The following SLA variants were observed in gnomAD, a reference collection of about 807,000 sequenced individuals.
SLA encodes the protein Src like adaptor, also known as src-like-adapter.
SLA carries 16 observed loss-of-function variants against 30.3 expected under a neutral mutation model. The observed-to-expected ratio is 0.53, with a 90% CI of 0.36 to 0.80. SLA has a LOEUF of 0.80. SLA is among the 30% of genes least tolerant of loss of function. The probability of loss-of-function intolerance (pLI) is 0.01; values close to 1 mark genes in which losing one functional copy is unlikely to be tolerated. For missense variants in SLA, 310 were observed against 345.2 expected (o/e 0.90, Z 0.81); for synonymous variants, 143 against 137.8 (o/e 1.04, Z -0.26).
chr8:133,043,573 A>G (rs1358734103), intron 7 of SLA, among the ~76,000 whole-genome samples: 1 of 152,196 alleles, frequency 6.6e-6, no homozygotes, highest in Non-Finnish European at 1.5e-5. Flanking sequence ...CTAGGAGCCC[A>G]TATTCACCCA....
At chr8:133,045,147 C>T in intron 6 of SLA, 32 bp from the exon 7 acceptor site, 1 of 1,612,608 alleles carries the variant, frequency 6.2e-7, no homozygotes. Context: ...TCAGTGGGCT[C>T]CACCTGTCCT....
At chr8:133,064,981 CAGTT>C (rs1430357117) in intron 2 of SLA, among the ~76,000 whole-genome samples, 3 of 152,302 alleles carry the variant, frequency 2.0e-5, no homozygotes, top group Middle Eastern at 3.4e-3. Flanking sequence ...CCCTTGGTGA[CAGTT>C]AGAATTAATT....
At chr8:133,049,588 C>T in intron 5 of SLA, 1 of 351,546 alleles carries the variant, frequency 2.8e-6, no homozygotes, top group East Asian at 6.0e-5. Context: ...ACACTGACTT[C>T]TAGTCTCTGC....
chr8:133,067,009 C>T (rs1022849774), intron 2 of SLA, among the ~76,000 whole-genome samples: 2 of 152,152 alleles, frequency 1.3e-5, no homozygotes, highest in African/African-American at 2.4e-5. Flanking sequence ...ACCATTTTCC[C>T]GCCGTGACTG....
intron 1 of SLA, among the ~76,000 whole-genome samples, chr8:133,084,597 A>G (rs1452410007): frequency 6.6e-6 from 1 of 152,228 alleles, no homozygotes; most frequent in East Asian, 1.9e-4. Context: ...ATTAGGCTTC[A>G]TGTTTGTAAC....
At chr8:133,096,643 G>A (rs1220532324) in intron 1 of SLA, among the ~76,000 whole-genome samples, 1 of 152,206 alleles carries the variant, frequency 6.6e-6, no homozygotes, top group Admixed American at 6.5e-5. Flanking sequence ...GCTCAGGGCT[G>A]CAAGTTAGAA....
chr8:133,074,837 C>G lies in SLA; in HGVS notation c.-41+16G>C. 1.0e-6 allele frequency: 1 copy of G among 985,438 alleles called. No individual in the cohort carries two copies. Among genetic ancestry groups the G allele is most frequent in the South Asian group, 4.7e-5 (1 of 21,294 alleles). 61.0% of individuals were successfully genotyped at this position (985,438 alleles called of 1,614,324 possible). ...GTCTCTCCCCACCCCATCTCTGCCA[C>G]ATACTCCCAAAATACCTTCACACAC... On this transcript the variant is annotated intron_variant, in intron 2 of 8. Coordinates refer to ENST00000338087, the MANE Select transcript of SLA (RefSeq NM_001045556.3).
intron 3 of SLA, chr8:133,058,950 G>A: frequency 2.1e-6 from 1 of 479,778 alleles, no homozygotes; most frequent in Non-Finnish European, 4.2e-6. Context: ...TTGGCATGCT[G>A]GCTTGGGGGC....
chr8:133,049,795 A>T, intron 5 of SLA, 107 bp downstream of exon 5: 1 of 813,336 alleles, frequency 1.2e-6, no homozygotes, highest in Non-Finnish European at 2.2e-6. Flanking sequence ...TCTCTTCTTG[A>T]CCCAGTGCCT....
At chr8:133,062,762 G>A (rs1049347732) in intron 2 of SLA, among the ~76,000 whole-genome samples, 80 of 152,254 alleles carry the variant, frequency 5.3e-4, no homozygotes, top group African/African-American at 1.9e-3. Flanking sequence ...AGGCTGTTCT[G>A]CACAGGCCTT....
At position 133,053,356 on chromosome 8, in the gene SLA, C is replaced by T. The variant is rs568448654; in HGVS notation, c.62-2441G>A. Among the ~76,000 whole-genome samples the T allele has an allele frequency of 5.3e-5, 8 of 152,214 alleles. No individual in the cohort carries two copies. In the East Asian group the frequency reaches 1.5e-3, roughly 29 times the overall value. ...TACTGGTGTCTTCTGTGTCTGTAGC[C>T]TGTGCCACACCTGTTTTACAAAGGA... is the stretch of plus-strand genomic sequence containing the variant. On this transcript the variant is annotated intron_variant, in intron 3 of 8. Transcript: ENST00000338087.
At chr8:133,038,866 A>T (rs1837592419) in intron 8 of SLA, 129 bp from the exon 9 acceptor site, 1 of 613,238 alleles carries the variant, frequency 1.6e-6, no homozygotes, top group Middle Eastern at 4.3e-4. Context: ...CTATTTCTCT[A>T]ACTTATTATT....
intron 2 of SLA, among the ~76,000 whole-genome samples, chr8:133,069,187 C>G (rs1843564645): frequency 6.6e-6 from 1 of 152,258 alleles, no homozygotes; most frequent in Non-Finnish European, 1.5e-5. Context: ...CTTCTAGGCA[C>G]AGGGACTATA....
rs1025177729 is a variant in SLA at position 133,091,436 on chromosome 8, C to T, written c.-319+11117G>A. Among the ~76,000 whole-genome samples the T allele has an allele frequency of 3.4e-4, 51 of 152,208 alleles. 1 individual carries two copies. On this transcript the variant is annotated intron_variant, in intron 1 of 8. Coordinates refer to ENST00000338087, the MANE Select transcript of SLA (RefSeq NM_001045556.3). ...GATGCCCCAGGGCAGAGCTGCCAGA[C>T]CTCCTGCTTGTCCGGGTAGCTGCCC... is the stretch of plus-strand genomic sequence containing the variant.
intron 1 of SLA, among the ~76,000 whole-genome samples, chr8:133,099,280 C>A (rs952733318): frequency 6.6e-5 from 10 of 152,268 alleles, no homozygotes; most frequent in African/African-American, 2.4e-4. Flanking sequence ...CCGTTCGTTT[C>A]TGGCTTCGCT....
chr8:133,040,511 C>T (rs989857680), intron 7 of SLA, among the ~76,000 whole-genome samples: 3 of 152,182 alleles, frequency 2.0e-5, no homozygotes, highest in African/African-American at 7.2e-5. Flanking sequence ...CTGCAGAAGC[C>T]GCAGCCTTCC....
intron 2 of SLA, among the ~76,000 whole-genome samples, chr8:133,070,625 G>A (rs1843858000): frequency 6.6e-6 from 1 of 152,170 alleles, no homozygotes; most frequent in African/African-American, 2.4e-5. Context: ...GCTTGTTCAG[G>A]GCTGGGTCTA....
chr8:133,091,172 G>A (rs1161429727), intron 1 of SLA, among the ~76,000 whole-genome samples: 1 of 152,250 alleles, frequency 6.6e-6, no homozygotes, highest in Non-Finnish European at 1.5e-5. Flanking sequence ...CGTCTTCATT[G>A]TTGTGTCTGT....
At chr8:133,040,742 G>C (rs1838064471) in intron 7 of SLA, among the ~76,000 whole-genome samples, 1 of 152,134 alleles carries the variant, frequency 6.6e-6, no homozygotes, top group Admixed American at 6.5e-5. Flanking sequence ...GTGAGAGGGA[G>C]AAGGAGGAAG....
Sources: gnomAD v4.1 joint callset for allele counts (sites outside exome capture counted in the v4.1 genomes callset) on GRCh38, gnomAD v4.1.1 for gene constraint, MANE v1.5 for transcripts, NCBI Gene and HGNC (gene_info 2026-07-23, HGNC 2026-07-21) for gene names.